The following SLCO1C1 variants were observed in gnomAD, a reference collection of about 807,000 sequenced individuals.
SLCO1C1 encodes the protein solute carrier organic anion transporter family member 1C1.
In SLCO1C1, 70 loss-of-function variants were observed where a neutral mutation model predicts 76.4. The ratio of observed to expected loss-of-function variants is 0.92; its 90% confidence interval spans 0.76 to 1.12. The LOEUF is 1.12. Ranked by LOEUF, SLCO1C1 falls within the 50% of genes most tolerant of loss-of-function variation. The pLI, the probability that SLCO1C1 is intolerant of heterozygous loss-of-function variation, is 0.00. For synonymous variants in SLCO1C1, 306 were observed against 286.1 expected (o/e 1.07, Z -0.70); for missense variants, 912 against 823.8 (o/e 1.11, Z -1.31).
rs1948237277 is a variant in SLCO1C1 at position 20,730,967 on chromosome 12, A to G, written c.1187-1942A>G. The stretch of plus-strand genomic sequence containing the variant: ...AGACTGGCAACGCTTGCATTTGTTT[A>G]GTACAGATTTAATTGACAAAGGCTT... On this transcript the variant is annotated intron_variant, in intron 9 of 14. Transcript: ENST00000266509. 2.6e-5 allele frequency among the ~76,000 whole-genome samples: 4 copies of G among 152,174 alleles called. No homozygotes were observed. In the South Asian group the frequency reaches 8.3e-4, roughly 32 times the overall value.
intron 13 of SLCO1C1, among the ~76,000 whole-genome samples, chr12:20,747,637 A>G (rs933339074): frequency 1.3e-5 from 2 of 152,316 alleles, no homozygotes; most frequent in Non-Finnish European, 2.9e-5. Context: ...TCACATCATT[A>G]AAGGTAATGT....
At chr12:20,737,993 A>G (rs1391377433) in intron 11 of SLCO1C1, among the ~76,000 whole-genome samples, 2 of 152,010 alleles carry the variant, frequency 1.3e-5, no homozygotes, top group African/African-American at 2.4e-5. Context: ...CCTAGTGAGG[A>G]CCCACTTTCT....
chr12:20,751,251 A>T (rs902427287), intron 14 of SLCO1C1, among the ~76,000 whole-genome samples: 1 of 152,146 alleles, frequency 6.6e-6, no homozygotes, highest in African/African-American at 2.4e-5. Context: ...TGCCAAACTA[A>T]TGTTCAATTA....
At chr12:20,725,926 T>C (rs1382617812) in intron 9 of SLCO1C1, among the ~76,000 whole-genome samples, 3 of 152,104 alleles carry the variant, frequency 2.0e-5, no homozygotes, top group African/African-American at 7.2e-5. Context: ...ATGTCATATC[T>C]ACAGATAATT....
At chr12:20,727,654 C>T (rs947851909) in intron 9 of SLCO1C1, among the ~76,000 whole-genome samples, 3 of 152,130 alleles carry the variant, frequency 2.0e-5, no homozygotes, top group African/African-American at 2.4e-5. Flanking sequence ...GGACTACAGG[C>T]GCCCGCCACC....
At position 20,740,242 on chromosome 12, in the gene SLCO1C1, G is replaced by A. The variant is rs145739313; in HGVS notation, c.1607G>A (p.Gly536Asp). ...IAASKSGNSS[G>D]IVGRCQKDNG... ...GCTTCTAAATCCGGAAATTCCTCAG[G>A]CATAGTGGGAAGATGTCAGAAAGAC... Residue 536 changes from glycine to aspartate, a missense_variant, in exon 12 of 15, where the codon GGC becomes GAC. Transcript: ENST00000266509. 1.4e-4 allele frequency: 220 copies of A among 1,613,636 alleles called. No individual in the cohort carries two copies. The highest frequency in any genetic ancestry group is 1.8e-4 in the Admixed American group (11 of 59,940).
rs1249907049 is a variant in SLCO1C1 at position 20,753,047 on chromosome 12, C to T, written c.*519C>T. On this transcript the variant is annotated 3_prime_UTR_variant, in exon 15 of 15. Transcript: ENST00000266509. Reference sequence around the variant, plus strand: ...GAGAGGAAGATTTCATTTTAAGCTCCTCCTTTTCTTTGAAATACAATAATT... The same window carrying T: ...GAGAGGAAGATTTCATTTTAAGCTCTTCCTTTTCTTTGAAATACAATAATT... 1.3e-5 allele frequency: 2 copies of T among 152,084 alleles called. No individual in the cohort carries two copies. The highest frequency in any genetic ancestry group is 2.9e-5 in the Non-Finnish European group (2 of 68,042). The allele number at this position is 152,084 out of a possible 1,614,324, so 9.4% of individuals were successfully genotyped here. A position where few individuals can be genotyped will look rare whatever the true frequency, so the allele number is the denominator to read the frequency against.
At chr12:20,705,756 G>A (rs976263571) in intron 3 of SLCO1C1, among the ~76,000 whole-genome samples, 193 bp from the exon 4 acceptor site, 2 of 151,890 alleles carry the variant, frequency 1.3e-5, no homozygotes, top group Non-Finnish European at 1.5e-5. Flanking sequence ...TTCGATAAAG[G>A]GATAAGGTGA....
Position 20,699,548 on chromosome 12 carries a change from A to T in SLCO1C1, c.-25-4A>T. ...ATTTTTACTTTAAAAACTAACTTTG[A>T]CAGATCAGAGTCAAGGAATGTGTTT... On this transcript the variant is annotated splice_polypyrimidine_tract_variant and splice_region_variant and intron_variant, in intron 1 of 14. Transcript: ENST00000266509. 6.4e-7 allele frequency: 1 copy of T among 1,568,898 alleles called. No individual in the cohort carries two copies. Among genetic ancestry groups the T allele is most frequent in the Non-Finnish European group, 8.6e-7 (1 of 1,164,534 alleles).
Position 20,740,361 on chromosome 12 carries a change from C to A in SLCO1C1, c.1726C>A (p.Leu576Ile), listed in dbSNP as rs761213905. The A allele has an allele frequency of 6.2e-7, 1 of 1,611,828 alleles. No individual in the cohort carries two copies. Among genetic ancestry groups the A allele is most frequent in the Non-Finnish European group, 8.5e-7 (1 of 1,178,790 alleles). ...SLGGIPGYILLLRCIKPQLKS... is the reference protein window; with the variant it reads ...SLGGIPGYILILRCIKPQLKS... ...AGGTGGCATACCTGGATACATATTA[C>A]TTCTGAGGTGAGTACTGATTCTCCC... Residue 576 changes from leucine to isoleucine, a missense_variant, in exon 12 of 15, where the codon CTT becomes ATT. Coordinates refer to ENST00000266509, the MANE Select transcript of SLCO1C1 (RefSeq NM_017435.5).
At chr12:20,721,308 T>C (rs2120749416) in intron 7 of SLCO1C1, among the ~76,000 whole-genome samples, 1 of 152,304 alleles carries the variant, frequency 6.6e-6, no homozygotes. Flanking sequence ...CATCATTTTC[T>C]TATGTTCATA....
chr12:20,723,444 A>T (rs1248707314), intron 9 of SLCO1C1, among the ~76,000 whole-genome samples, 190 bp downstream of exon 9: 2 of 152,186 alleles, frequency 1.3e-5, no homozygotes, highest in East Asian at 3.9e-4. Flanking sequence ...GAGAGCAAGC[A>T]GTTCTTGAAG....
intron 3 of SLCO1C1, 39 bp from the exon 4 acceptor site, chr12:20,705,910 A>C: frequency 6.2e-7 from 1 of 1,601,526 alleles, no homozygotes; most frequent in South Asian, 1.1e-5. Flanking sequence ...CTTCTTTCTA[A>C]GTTCTCTAAT....
chr12:20,724,205 C>CT (rs936624500), intron 9 of SLCO1C1, among the ~76,000 whole-genome samples: 1 of 151,308 alleles, frequency 6.6e-6, no homozygotes, highest in Non-Finnish European at 1.5e-5. Context: ...TATTTTGTGG[C>CT]TTTTTTCTCC....
intron 4 of SLCO1C1, among the ~76,000 whole-genome samples, chr12:20,709,372 A>G (rs1946945097): frequency 6.6e-6 from 1 of 152,152 alleles, no homozygotes; most frequent in South Asian, 2.1e-4. Context: ...CAGTTATTTG[A>G]AATCAAAATA....
chr12:20,712,694 C>T (rs780010879), intron 5 of SLCO1C1, among the ~76,000 whole-genome samples: 1 of 152,176 alleles, frequency 6.6e-6, no homozygotes, highest in Non-Finnish European at 1.5e-5. Context: ...TTTCACTCCT[C>T]TAATATTCTC....
chr12:20,744,443 T>A (rs1012660750), intron 13 of SLCO1C1, among the ~76,000 whole-genome samples: 1 of 152,072 alleles, frequency 6.6e-6, no homozygotes, highest in Admixed American at 6.6e-5. Flanking sequence ...TGGGCTAATA[T>A]TCCTATTAGA....
At chr12:20,732,300 A>G (rs1948315156) in intron 9 of SLCO1C1, among the ~76,000 whole-genome samples, 1 of 152,230 alleles carries the variant, frequency 6.6e-6, no homozygotes. Flanking sequence ...GGCTATGAAC[A>G]AATAGCTCTC....
At chr12:20,731,027 G>GC (rs1274955997) in intron 9 of SLCO1C1, among the ~76,000 whole-genome samples, 4 of 152,146 alleles carry the variant, frequency 2.6e-5, no homozygotes, top group African/African-American at 9.7e-5. Context: ...TAACCTGGTT[G>GC]CCCCCACCCC....
Sources: gnomAD v4.1 joint callset for allele counts (sites outside exome capture counted in the v4.1 genomes callset) on GRCh38, gnomAD v4.1.1 for gene constraint, MANE v1.5 for transcripts, NCBI Gene and HGNC (gene_info 2026-07-23, HGNC 2026-07-21) for gene names.